Variants in FSTL5 observed in about 807,000 individuals in gnomAD.
FSTL5 encodes follistatin-related protein 5.
FSTL5 carries 62 observed loss-of-function variants against 89.1 expected under a neutral mutation model. That is an observed-to-expected ratio of 0.70 (90% CI 0.57 to 0.86). The LOEUF is 0.86. Ranked by LOEUF, FSTL5 falls within the 40% of genes least tolerant of loss-of-function variation. FSTL5 has a pLI of 0.00. For synonymous variants in FSTL5, 383 were observed against 346.2 expected (o/e 1.11, Z -1.18); for missense variants, 1,057 against 1,001.6 (o/e 1.06, Z -0.75).
intron 4 of FSTL5, among the ~76,000 whole-genome samples, chr4:161,864,765 G>A (rs1015043474): frequency 5.9e-5 from 9 of 151,640 alleles, no homozygotes; most frequent in South Asian, 4.2e-4. Context: ...CCAGTTACTC[G>A]GGAGGCCGAG....
intron 2 of FSTL5, among the ~76,000 whole-genome samples, chr4:162,073,399 AAAC>A (rs1304087968): frequency 1.3e-5 from 2 of 151,706 alleles, no homozygotes; most frequent in African/African-American, 4.8e-5. Context: ...GATAAATTGA[AAAC>A]ACCACAGTAA....
intron 15 of FSTL5, among the ~76,000 whole-genome samples, chr4:161,405,466 G>A (rs1731342447): frequency 6.6e-6 from 1 of 152,050 alleles, no homozygotes; most frequent in Non-Finnish European, 1.5e-5. Flanking sequence ...TGAGCAGGCA[G>A]AAGAAAGAAT....
At chr4:161,599,965 A>G (rs1487544370) in intron 7 of FSTL5, among the ~76,000 whole-genome samples, 2 of 152,106 alleles carry the variant, frequency 1.3e-5, no homozygotes, top group Non-Finnish European at 2.9e-5. Flanking sequence ...TTATTTATGT[A>G]TTGACAATGC....
intron 7 of FSTL5, among the ~76,000 whole-genome samples, chr4:161,647,300 A>C (rs1736185615): frequency 6.6e-6 from 1 of 152,174 alleles, no homozygotes; most frequent in South Asian, 2.1e-4. Flanking sequence ...CTAGAACATC[A>C]ATTGAACATC....
chr4:161,943,186 A>C (rs2110929020), intron 3 of FSTL5, among the ~76,000 whole-genome samples: 1 of 152,236 alleles, frequency 6.6e-6, no homozygotes, highest in East Asian at 1.9e-4. Flanking sequence ...ATTACCTATC[A>C]AAATGAAAGA....
intron 7 of FSTL5, among the ~76,000 whole-genome samples, chr4:161,652,729 C>T (rs545028522): frequency 6.6e-6 from 1 of 151,834 alleles, no homozygotes; most frequent in Non-Finnish European, 1.5e-5. Flanking sequence ...TAAAATACAT[C>T]TATATTATTG....
At chr4:161,879,014 C>A (rs1732540311) in intron 4 of FSTL5, among the ~76,000 whole-genome samples, 1 of 152,154 alleles carries the variant, frequency 6.6e-6, no homozygotes, top group South Asian at 2.1e-4. Context: ...ATTTCTCACT[C>A]AAAATCTCCA....
intron 1 of FSTL5, among the ~76,000 whole-genome samples, chr4:162,114,301 G>C (rs1006730401): frequency 6.6e-6 from 1 of 152,028 alleles, no homozygotes; most frequent in African/African-American, 2.4e-5. Flanking sequence ...AAAGCAAAAA[G>C]GACCAGCTCA....
chr4:161,962,908 C>A (rs1023684698), intron 3 of FSTL5, among the ~76,000 whole-genome samples: 1 of 151,908 alleles, frequency 6.6e-6, no homozygotes, highest in Non-Finnish European at 1.5e-5. Flanking sequence ...ATTTCATATG[C>A]TAGATTCATG....
intron 1 of FSTL5, among the ~76,000 whole-genome samples, chr4:162,131,237 T>C (rs953249270): frequency 6.6e-6 from 1 of 152,182 alleles, no homozygotes; most frequent in East Asian, 1.9e-4. Context: ...TCTGAGTAAT[T>C]TGAGTGCCCA....
chr4:161,961,992 ATATAT>A (rs1332179244), intron 3 of FSTL5, among the ~76,000 whole-genome samples: 1 of 151,912 alleles, frequency 6.6e-6, no homozygotes, highest in African/African-American at 2.4e-5. Flanking sequence ...ACATATGCAA[ATATAT>A]TATGTGTTGA....
chr4:161,843,607 T>G (rs549987563), intron 4 of FSTL5, among the ~76,000 whole-genome samples: 1 of 152,100 alleles, frequency 6.6e-6, no homozygotes, highest in Non-Finnish European at 1.5e-5. Context: ...TATAGACCAA[T>G]GGACCGGAAA....
At chr4:162,127,944 A>C (rs1732148225) in intron 1 of FSTL5, among the ~76,000 whole-genome samples, 1 of 152,304 alleles carries the variant, frequency 6.6e-6, no homozygotes. Context: ...ATGATTATTA[A>C]AGACATTTCT....
intron 7 of FSTL5, among the ~76,000 whole-genome samples, chr4:161,588,454 T>G (rs1414358898): frequency 2.6e-5 from 4 of 151,308 alleles, no homozygotes; most frequent in Non-Finnish European, 5.9e-5. Flanking sequence ...CCATACCACT[T>G]CAAAATAGTG....
rs377002018 is a variant in FSTL5, at chr4:162,068,795, G to A, written c.127-35137C>T. Among the ~76,000 whole-genome samples the A allele has an allele frequency of 1.6e-4, 24 of 151,770 alleles. 1 individual carries two copies. The highest frequency in any genetic ancestry group is 6.8e-3 in the Middle Eastern group (2 of 294). Reference sequence around the variant, plus strand: ...AGAAAATTTTTGCAATCTATCCATCGGACAAAGGTCTAATATCCAGAATCT... The same window carrying A: ...AGAAAATTTTTGCAATCTATCCATCAGACAAAGGTCTAATATCCAGAATCT... On this transcript the variant is annotated intron_variant, in intron 2 of 15. Coordinates refer to ENST00000306100, the MANE Select transcript of FSTL5 (RefSeq NM_020116.5).
chr4:162,060,854 C>A (rs916389691), intron 2 of FSTL5, among the ~76,000 whole-genome samples: 1 of 151,964 alleles, frequency 6.6e-6, no homozygotes, highest in Non-Finnish European at 1.5e-5. Flanking sequence ...AAAGGTTCTT[C>A]TATTGACAAC....
chr4:161,692,352 G>GTA (rs1327703735), intron 6 of FSTL5, among the ~76,000 whole-genome samples: 1 of 151,584 alleles, frequency 6.6e-6, no homozygotes, highest in Non-Finnish European at 1.5e-5. Context: ...GTGTGTGTGT[G>GTA]TGTGTGTGTG....
intron 8 of FSTL5, among the ~76,000 whole-genome samples, chr4:161,566,552 T>C (rs1578930773): frequency 6.6e-6 from 1 of 152,114 alleles, no homozygotes; most frequent in African/African-American, 2.4e-5. Flanking sequence ...ACAGTGGCTG[T>C]ACTAATTGAC....
chr4:161,475,906 C>A (rs150933155), intron 13 of FSTL5, among the ~76,000 whole-genome samples: 1 of 151,906 alleles, frequency 6.6e-6, no homozygotes, highest in Non-Finnish European at 1.5e-5. Context: ...CCCACCACCA[C>A]GCCCAGCTAA....
Sources: gnomAD v4.1 joint callset for allele counts (sites outside exome capture counted in the v4.1 genomes callset) on GRCh38, gnomAD v4.1.1 for gene constraint, MANE v1.5 for transcripts, NCBI Gene and HGNC (gene_info 2026-07-23, HGNC 2026-07-21) for gene names.